The following PALM2AKAP2 variants were observed in gnomAD, a reference collection of about 807,000 sequenced individuals.
The protein encoded by PALM2AKAP2 is PALM2-AKAP2 fusion protein.
In PALM2AKAP2, 37 loss-of-function variants were observed where a neutral mutation model predicts 71.5. That is an observed-to-expected ratio of 0.52 (90% CI 0.40 to 0.68). PALM2AKAP2 has a LOEUF of 0.68. PALM2AKAP2 is among the 30% of genes least tolerant of loss of function. The probability of loss-of-function intolerance (pLI) is 0.00; values close to 1 mark genes in which losing one functional copy is unlikely to be tolerated. For missense variants in PALM2AKAP2, 1,224 were observed against 1,191.8 expected, an observed-to-expected ratio of 1.03 and a Z score of -0.40; for synonymous variants, 468 against 478.8, an observed-to-expected ratio of 0.98 and a Z score of 0.29.
chr9:109,736,953 G>A (rs958840720), intron 1 of PALM2AKAP2, among the ~76,000 whole-genome samples: 9 of 152,270 alleles, frequency 5.9e-5, no homozygotes, highest in Non-Finnish European at 1.0e-4. Context: ...CACTGTCGCC[G>A]TCTCTTTTGT....
chr9:110,134,248 C>T (rs1302407617), intron 1 of PALM2AKAP2, among the ~76,000 whole-genome samples: 1 of 151,760 alleles, frequency 6.6e-6, no homozygotes, highest in African/African-American at 2.4e-5. Context: ...CACTGTGCTC[C>T]AGCCTGGGCA....
chr9:110,101,677 C>A (rs75114994), intron 1 of PALM2AKAP2, among the ~76,000 whole-genome samples: 1 of 152,162 alleles, frequency 6.6e-6, no homozygotes, highest in Non-Finnish European at 1.5e-5. Context: ...TCATTTCCCA[C>A]GGCCTCTCTG....
chr9:110,012,494 A>T (rs75390908), intron 6 of PALM2AKAP2, among the ~76,000 whole-genome samples: 1 of 152,128 alleles, frequency 6.6e-6, no homozygotes, highest in African/African-American at 2.4e-5. Context: ...TCTCCAAAAT[A>T]CAGTTTTCTC....
chr9:109,867,186 G>GTGTGTGTC (rs1473379342), intron 1 of PALM2AKAP2: 18 of 432,212 alleles, frequency 4.2e-5, no homozygotes, highest in Non-Finnish European at 7.4e-5. Flanking sequence ...GTGTGTGTGT[G>GTGTGTGTC]TGTGTGTGTG....
chr9:110,114,945 A>T (rs892462834), intron 1 of PALM2AKAP2, among the ~76,000 whole-genome samples: 2 of 152,164 alleles, frequency 1.3e-5, no homozygotes, highest in African/African-American at 2.4e-5. Context: ...TAAGAGAAGG[A>T]GCACATTTCT....
At chr9:109,875,078 T>G (rs1295877144) in intron 2 of PALM2AKAP2, among the ~76,000 whole-genome samples, 1 of 152,222 alleles carries the variant, frequency 6.6e-6, no homozygotes, top group Non-Finnish European at 1.5e-5. Context: ...GGCCCCTGCC[T>G]TCTTCTCCAT....
At chr9:109,842,312 A>G (rs953581377) in intron 1 of PALM2AKAP2, among the ~76,000 whole-genome samples, 2 of 152,214 alleles carry the variant, frequency 1.3e-5, no homozygotes, top group African/African-American at 4.8e-5. Flanking sequence ...GTATGGATGG[A>G]CCATGACATC....
intron 1 of PALM2AKAP2, among the ~76,000 whole-genome samples, chr9:109,862,343 T>C (rs763142099): frequency 6.6e-6 from 1 of 152,212 alleles, no homozygotes. Context: ...GATCTGGGAC[T>C]CAAACAATGT....
intron 1 of PALM2AKAP2, among the ~76,000 whole-genome samples, chr9:109,702,056 A>G (rs896079117): frequency 6.6e-6 from 1 of 152,250 alleles, no homozygotes; most frequent in Non-Finnish European, 1.5e-5. Context: ...ATCTCACACC[A>G]GTTAGAATGG....
chr9:110,052,342 A>C (rs560663669), intron 1 of PALM2AKAP2, among the ~76,000 whole-genome samples: 1 of 152,378 alleles, frequency 6.6e-6, no homozygotes, highest in African/African-American at 2.4e-5. Context: ...CTTGGGCCTC[A>C]GGGAAGAATG....
chr9:109,718,081 T>C (rs1210521940), intron 1 of PALM2AKAP2, among the ~76,000 whole-genome samples: 1 of 152,014 alleles, frequency 6.6e-6, no homozygotes, highest in African/African-American at 2.4e-5. Context: ...TCTTTCTTTC[T>C]TTTTTTTAAA....
chr9:109,773,347 G>A (rs1459378760), intron 1 of PALM2AKAP2, among the ~76,000 whole-genome samples: 1 of 152,018 alleles, frequency 6.6e-6, no homozygotes, highest in African/African-American at 2.4e-5. Flanking sequence ...ATGTTGCCCA[G>A]GCTGGTCTTG....
intron 1 of PALM2AKAP2, among the ~76,000 whole-genome samples, chr9:110,120,005 T>C (rs762039136): frequency 6.6e-6 from 1 of 152,190 alleles, no homozygotes; most frequent in Admixed American, 6.5e-5. Flanking sequence ...CCAAAGTTGA[T>C]TCTTAACTTG....
chr9:110,162,220 C>A, intron 3 of PALM2AKAP2, 88 bp downstream of exon 10: 1 of 1,549,710 alleles, frequency 6.5e-7, no homozygotes, highest in Non-Finnish European at 8.9e-7. Context: ...ATGAGTTAAA[C>A]GAAAATGGCA....
intron 4 of PALM2AKAP2, among the ~76,000 whole-genome samples, chr9:109,924,310 A>G (rs1253015345): frequency 6.6e-6 from 1 of 152,148 alleles, no homozygotes; most frequent in East Asian, 1.9e-4. Context: ...AATACATGAC[A>G]TTTTACTGTA....
At chr9:110,035,262 CATAT>C (rs71373956) in intron 7 of PALM2AKAP2, among the ~76,000 whole-genome samples, 2 of 113,942 alleles carry the variant, frequency 1.8e-5, no homozygotes, top group Non-Finnish European at 3.4e-5. Context: ...TATATACACA[CATAT>C]ATAATATATA....
intron 2 of PALM2AKAP2, among the ~76,000 whole-genome samples, chr9:109,871,370 A>G (rs1829599246): frequency 6.6e-6 from 1 of 152,144 alleles, no homozygotes; most frequent in Non-Finnish European, 1.5e-5. Context: ...GCCAAATTAA[A>G]CTCAGATGTA....
intron 1 of PALM2AKAP2, among the ~76,000 whole-genome samples, chr9:110,083,326 A>T (rs1005853186): frequency 4.5e-4 from 68 of 151,996 alleles, no homozygotes; most frequent in Non-Finnish European, 5.1e-4. Context: ...AGTTTTTTTT[A>T]AAAAGGCATA....
At chr9:109,770,814 G>A (rs1404407539) in intron 1 of PALM2AKAP2, among the ~76,000 whole-genome samples, 1 of 152,230 alleles carries the variant, frequency 6.6e-6, no homozygotes, top group Admixed American at 6.5e-5. Flanking sequence ...CAACAGATAA[G>A]ATTATGCTCA....
Sources: gnomAD v4.1 joint callset for allele counts (sites outside exome capture counted in the v4.1 genomes callset) on GRCh38, gnomAD v4.1.1 for gene constraint, MANE v1.5 for transcripts, NCBI Gene and HGNC (gene_info 2026-07-23, HGNC 2026-07-21) for gene names.